Variants in ZNF678 observed in about 807,000 individuals in gnomAD.
The protein encoded by ZNF678 is zinc finger protein 678.
ZNF678 carries 5 observed loss-of-function variants against 3.0 expected under a neutral mutation model. The ratio of observed to expected loss-of-function variants is 1.69; its 90% confidence interval spans 0.88 to 3.56. The LOEUF (loss-of-function observed/expected upper bound fraction) is 3.56, where lower values mean the gene tolerates loss of function less well. Among genes scored for constraint, ZNF678 ranks in the 30% most tolerant of loss-of-function variants. The pLI is 0.00. For missense variants in ZNF678, 593 were observed against 605.0 expected (o/e 0.98, Z 0.21); for synonymous variants, 218 against 199.6 (o/e 1.09, Z -0.78).
intron 1 of ZNF678, among the ~76,000 whole-genome samples, chr1:227,580,872 G>A (rs531726564): frequency 6.6e-6 from 1 of 151,626 alleles, no homozygotes; most frequent in Non-Finnish European, 1.5e-5. Context: ...GGAGGTTGCA[G>A]TGAGCTGAGA....
rs1380320433 is a variant in ZNF678 at position 227,657,990 on chromosome 1, G to A, written c.*2162G>A. ...ATAGTTTTCTCATTCCAAAGTTCAT[G>A]AAATTTTCTCTATATTCCTGAGAAA... On this transcript the variant is annotated 3_prime_UTR_variant, in exon 4 of 4. Coordinates refer to ENST00000343776, the MANE Select transcript of ZNF678 (RefSeq NM_001367909.1). The A allele has an allele frequency of 6.6e-6, 1 of 151,814 alleles. No individual in the cohort carries two copies. The highest frequency in any genetic ancestry group is 2.4e-5 in the African/African-American group (1 of 41,370). 9.4% of individuals were successfully genotyped at this position (151,814 alleles called of 1,614,324 possible).
intron 1 of ZNF678, among the ~76,000 whole-genome samples, chr1:227,588,520 A>C (rs1657323223): frequency 3.7e-5 from 1 of 27,130 alleles, no homozygotes; most frequent in Admixed American, 3.6e-4. Flanking sequence ...TTTTTTTTGG[A>C]AACACAGTCT....
intron 1 of ZNF678, among the ~76,000 whole-genome samples, chr1:227,610,569 G>C (rs1405593974): frequency 6.6e-6 from 1 of 152,132 alleles, no homozygotes; most frequent in South Asian, 2.1e-4. Context: ...ATACCTGCCA[G>C]GGTCATCATT....
intron 1 of ZNF678, among the ~76,000 whole-genome samples, chr1:227,632,950 C>CT (rs2102782579): frequency 6.6e-6 from 1 of 152,198 alleles, no homozygotes; most frequent in African/African-American, 2.4e-5. Flanking sequence ...TGTTATAGCT[C>CT]TATTAGAAGC....
At chr1:227,634,897 C>T (rs556480809) in intron 1 of ZNF678, among the ~76,000 whole-genome samples, 7 of 152,168 alleles carry the variant, frequency 4.6e-5, no homozygotes, top group East Asian at 3.9e-4. Context: ...GGAGTGGTTC[C>T]GGCAGACTTT....
In ZNF678 at chr1:227,571,162, TATTC is replaced by T. The variant is rs140380939; in HGVS notation, c.-164+7442_-164+7445del. ...AATAGTTATTTGTAGTGTAAATACT[TATTC>T]ATTAAAATTTTGACATTAGAGAATT... On this transcript the variant is annotated intron_variant, in intron 1 of 3. Coordinates refer to ENST00000343776, the MANE Select transcript of ZNF678 (RefSeq NM_001367909.1). Among the ~76,000 whole-genome samples, 85 of 152,362 alleles carry T rather than the reference TATTC, an allele frequency of 5.6e-4. 3 individuals carry two copies. The South Asian group carries it at 0.016, about 29-fold the overall frequency.
At chr1:227,590,734 C>T (rs1209754725) in intron 1 of ZNF678, among the ~76,000 whole-genome samples, 2 of 151,736 alleles carry the variant, frequency 1.3e-5, no homozygotes, top group Non-Finnish European at 2.9e-5. Flanking sequence ...GCTCTATGTC[C>T]ACATATCCAT....
intron 1 of ZNF678, among the ~76,000 whole-genome samples, chr1:227,639,318 G>A (rs1036882749): frequency 6.6e-6 from 1 of 152,214 alleles, no homozygotes; most frequent in African/African-American, 2.4e-5. Flanking sequence ...TGATGGCAGA[G>A]GCAAGCATTT....
intron 5 of ZNF678, among the ~76,000 whole-genome samples, chr1:227,671,157 G>C (rs2102820755): frequency 6.8e-6 from 1 of 147,172 alleles, no homozygotes; most frequent in East Asian, 2.0e-4. Flanking sequence ...GTTCACTGGA[G>C]CCTCAAACTC....
chr1:227,651,911 A>C (rs78579607), intron 3 of ZNF678, among the ~76,000 whole-genome samples: 2,059 of 152,198 alleles, frequency 0.014, 52 homozygotes, highest in African/African-American at 0.047. Context: ...ATGACTGATA[A>C]ATTTTTGTTG....
At chr1:227,649,519 T>G (rs1659041678) in intron 2 of ZNF678, among the ~76,000 whole-genome samples, 1 of 152,118 alleles carries the variant, frequency 6.6e-6, no homozygotes, top group African/African-American at 2.4e-5. Context: ...CTCAGCTAAT[T>G]TTGTATTTTT....
intron 1 of ZNF678, among the ~76,000 whole-genome samples, chr1:227,632,849 G>A (rs2093608): frequency 0.21 from 31,170 of 152,032 alleles, 3,322 homozygotes; most frequent in East Asian, 0.25. Context: ...GTGGCGGGCC[G>A]CTCCCAAATG....
intron 1 of ZNF678, among the ~76,000 whole-genome samples, chr1:227,564,696 GA>G (rs1360241628): frequency 2.0e-5 from 3 of 152,100 alleles, no homozygotes; most frequent in Admixed American, 6.5e-5. Context: ...CAGAACATTG[GA>G]GGGCACTCTT....
At chr1:227,627,479 A>G (rs377562349) in intron 1 of ZNF678, among the ~76,000 whole-genome samples, 153 of 151,502 alleles carry the variant, frequency 1.0e-3, no homozygotes, top group African/African-American at 3.6e-3. Flanking sequence ...GTTCCCTTCT[A>G]TTTCCCTTTC....
At chr1:227,669,693 C>A (rs1184964099) in intron 5 of ZNF678, among the ~76,000 whole-genome samples, 1 of 150,988 alleles carries the variant, frequency 6.6e-6, no homozygotes, top group East Asian at 1.9e-4. Flanking sequence ...TAGCTATTAT[C>A]AAAAATACAA....
chr1:227,586,816 C>G (rs997840878), intron 1 of ZNF678, among the ~76,000 whole-genome samples: 1 of 152,082 alleles, frequency 6.6e-6, no homozygotes, highest in African/African-American at 2.4e-5. Context: ...TATTCTTAAC[C>G]CTAATAGGCA....
chr1:227,643,863 CTTTTTTT>C (rs554280668), intron 1 of ZNF678, among the ~76,000 whole-genome samples: 26 of 115,426 alleles, frequency 2.3e-4, no homozygotes, highest in Non-Finnish European at 3.8e-4. Flanking sequence ...CTTTTCTTTT[CTTTTTTT>C]TTTTTTTTTT....
intron 3 of ZNF678, among the ~76,000 whole-genome samples, chr1:227,654,056 GT>G (rs753510311): frequency 6.6e-6 from 1 of 152,044 alleles, no homozygotes; most frequent in Non-Finnish European, 1.5e-5. Flanking sequence ...AAGAAAGGCT[GT>G]ATGTATAAAT....
At chr1:227,617,492 A>G (rs537233964) in intron 1 of ZNF678, among the ~76,000 whole-genome samples, 13 of 152,314 alleles carry the variant, frequency 8.5e-5, no homozygotes, top group South Asian at 6.2e-4. Flanking sequence ...GTTCGGCACA[A>G]TATGCCTATA....
Sources: allele counts gnomAD v4.1 joint callset (sites outside exome capture counted in the v4.1 genomes callset), GRCh38; gene constraint gnomAD v4.1.1; transcripts MANE v1.5; gene names NCBI Gene and HGNC (gene_info 2026-07-23, HGNC 2026-07-21).